FRMD4A: variants seen among roughly 807,000 people sequenced by gnomAD.
FRMD4A encodes the protein FERM domain-containing protein 4A.
Under a neutral mutation model 129.1 loss-of-function variants are expected in FRMD4A, and 29 were observed. The ratio of observed to expected loss-of-function variants is 0.22; its 90% CI spans 0.17 to 0.31. FRMD4A has a LOEUF of 0.31. Among genes scored for constraint, FRMD4A ranks in the 10% least tolerant of loss-of-function variants. The pLI is 1.00. For synonymous variants in FRMD4A, 634 were observed against 571.6 expected (o/e 1.11, Z -1.56); for missense variants, 1,272 against 1,375.8 (o/e 0.92, Z 1.19).
intron 15 of FRMD4A, among the ~76,000 whole-genome samples, chr10:13,679,446 A>T (rs2084296479): frequency 4.1e-5 from 2 of 48,664 alleles, no homozygotes; most frequent in Admixed American, 2.3e-4. Context: ...AAAAAAAAAA[A>T]AAAAAAAAAA....
chr10:13,973,388 G>A (rs1205160749), intron 2 of FRMD4A, among the ~76,000 whole-genome samples: 1 of 152,016 alleles, frequency 6.6e-6, no homozygotes, highest in African/African-American at 2.4e-5. Flanking sequence ...GTTTCTCTAT[G>A]TTGCCCAGGC....
intron 2 of FRMD4A, among the ~76,000 whole-genome samples, chr10:13,985,944 G>T (rs1357838173): frequency 6.6e-6 from 1 of 152,208 alleles, no homozygotes; most frequent in Non-Finnish European, 1.5e-5. Context: ...GCACCAACTG[G>T]CTCCAAACGA....
chr10:13,981,023 C>G (rs1416892952), intron 2 of FRMD4A, among the ~76,000 whole-genome samples: 1 of 152,194 alleles, frequency 6.6e-6, no homozygotes. Context: ...GTTGCCTAGA[C>G]TACTGCTGAA....
chr10:14,075,114 G>T (rs1359099235), intron 2 of FRMD4A, among the ~76,000 whole-genome samples: 1 of 151,992 alleles, frequency 6.6e-6, no homozygotes, highest in African/African-American at 2.4e-5. Context: ...ACACTGTAAG[G>T]TCACCACTGG....
At chr10:14,000,854 A>G (rs1016307177) in intron 2 of FRMD4A, among the ~76,000 whole-genome samples, 1 of 152,074 alleles carries the variant, frequency 6.6e-6, no homozygotes, top group Non-Finnish European at 1.5e-5. Context: ...AGTCATGCAC[A>G]ATTCTAGACT....
chr10:13,650,443 T>G (rs1309297300), intron 24 of FRMD4A, among the ~76,000 whole-genome samples: 1 of 152,202 alleles, frequency 6.6e-6, no homozygotes, highest in Non-Finnish European at 1.5e-5. Context: ...CGTGTATGTA[T>G]GTAGGTATTT....
At chr10:14,199,615 C>G (rs1027504889) in intron 2 of FRMD4A, among the ~76,000 whole-genome samples, 2 of 152,158 alleles carry the variant, frequency 1.3e-5, no homozygotes, top group African/African-American at 4.8e-5. Flanking sequence ...GTCTCAAACT[C>G]CCGACCTCAG....
At chr10:14,006,276 A>G (rs915256989) in intron 2 of FRMD4A, among the ~76,000 whole-genome samples, 13 of 152,168 alleles carry the variant, frequency 8.5e-5, no homozygotes, top group African/African-American at 3.1e-4. Flanking sequence ...GAGGGCCCCA[A>G]ACCATTCAGA....
chr10:14,143,605 T>TTTGTTG (rs568244806), intron 2 of FRMD4A, among the ~76,000 whole-genome samples: 2 of 152,204 alleles, frequency 1.3e-5, no homozygotes, highest in Non-Finnish European at 2.9e-5. Context: ...ACAATAGTTT[T>TTTGTTG]TTGTTGTTGT....
At chr10:14,009,154 A>G (rs1378928125) in intron 2 of FRMD4A, among the ~76,000 whole-genome samples, 1 of 152,170 alleles carries the variant, frequency 6.6e-6, no homozygotes, top group Non-Finnish European at 1.5e-5. Flanking sequence ...GCCTTCTTTG[A>G]TGGATGGCAT....
chr10:14,003,045 G>C (rs1326648475), intron 2 of FRMD4A, among the ~76,000 whole-genome samples: 1 of 152,134 alleles, frequency 6.6e-6, no homozygotes, highest in Non-Finnish European at 1.5e-5. Flanking sequence ...GCCACTTAAG[G>C]GTTTCAGTAG....
chr10:13,829,707 C>A (rs984118645), intron 3 of FRMD4A, among the ~76,000 whole-genome samples: 1 of 152,116 alleles, frequency 6.6e-6, no homozygotes, highest in Admixed American at 6.5e-5. Flanking sequence ...GATATGGGTG[C>A]AGCCTAGGTC....
At chr10:13,785,838 T>C (rs949644125) in intron 5 of FRMD4A, among the ~76,000 whole-genome samples, 1 of 151,324 alleles carries the variant, frequency 6.6e-6, no homozygotes, top group African/African-American at 2.4e-5. Flanking sequence ...GTTCTCAGTG[T>C]TCAATTGCCA....
chr10:13,843,314 A>G (rs1354166726), intron 3 of FRMD4A, among the ~76,000 whole-genome samples: 1 of 152,174 alleles, frequency 6.6e-6, no homozygotes, highest in Non-Finnish European at 1.5e-5. Flanking sequence ...CACTTTGAGA[A>G]CCGCTGATTT....
intron 3 of FRMD4A, among the ~76,000 whole-genome samples, chr10:13,820,137 G>A (rs1444388764): frequency 6.6e-6 from 1 of 152,206 alleles, no homozygotes; most frequent in African/African-American, 2.4e-5. Context: ...AAGAGGTGGG[G>A]AAGCGATTGT....
intron 2 of FRMD4A, chr10:13,891,686 G>A (rs907391206): frequency 6.1e-5 from 60 of 985,104 alleles, no homozygotes; most frequent in Non-Finnish European, 7.1e-5. Flanking sequence ...CTGGTACCCC[G>A]GAACGGGCGT....
At chr10:13,652,306 G>A (rs1203936009) in intron 23 of FRMD4A, 5 of 361,274 alleles carry the variant, frequency 1.4e-5, no homozygotes, top group African/African-American at 6.2e-5. Context: ...GAAATAGGCA[G>A]GTTTCAAGAC....
chr10:14,013,114 C>T (rs1389848361), intron 2 of FRMD4A, among the ~76,000 whole-genome samples: 1 of 152,066 alleles, frequency 6.6e-6, no homozygotes, highest in African/African-American at 2.4e-5. Flanking sequence ...ACCTAAGGGG[C>T]CTTTCTGATT....
At chr10:13,758,332 C>T (rs954121468) in intron 8 of FRMD4A, among the ~76,000 whole-genome samples, 3 of 152,208 alleles carry the variant, frequency 2.0e-5, no homozygotes, top group Admixed American at 6.5e-5. Context: ...CAGCCCTAGA[C>T]CCTGTGTTAT....
Sources: gnomAD v4.1 joint callset for allele counts (sites outside exome capture counted in the v4.1 genomes callset) on GRCh38, gnomAD v4.1.1 for gene constraint, MANE v1.5 for transcripts, NCBI Gene and HGNC (gene_info 2026-07-23, HGNC 2026-07-21) for gene names.